Variants in DNAH17 observed in about 807,000 individuals in gnomAD.
DNAH17 encodes the protein axonemal beta dynein heavy chain 17.
Under a neutral mutation model 485.6 loss-of-function variants are expected in DNAH17, and 376 were observed. The observed-to-expected ratio is 0.77, with a 90% CI of 0.71 to 0.84. The LOEUF (loss-of-function observed/expected upper bound fraction) is 0.84. Among genes scored for constraint, DNAH17 ranks in the 40% least tolerant of loss-of-function variants. DNAH17 has a pLI of 0.00. For synonymous variants in DNAH17, 3,031 were observed against 2,405.9 expected (o/e 1.26, Z -7.60); for missense variants, 6,370 against 5,839.3 (o/e 1.09, Z -2.96).
At chr17:78,460,125 C>T (rs2088026003) in intron 59 of DNAH17, 37 bp downstream of exon 59, 2 of 1,581,448 alleles carry the variant, frequency 1.3e-6, no homozygotes, top group Admixed American at 1.8e-5. Flanking sequence ...CCTCTCCAAC[C>T]AGGCCAGGGG....
chr17:78,553,293 T>TGTTTG (rs1474441189), intron 14 of DNAH17, among the ~76,000 whole-genome samples: 5 of 42,078 alleles, frequency 1.2e-4, no homozygotes, highest in African/African-American at 4.2e-4. Flanking sequence ...GTTTTTTTTT[T>TGTTTG]TTTTTTTTTT....
chr17:78,455,333 T>A (rs2087744701), intron 63 of DNAH17, among the ~76,000 whole-genome samples: 3 of 139,366 alleles, frequency 2.2e-5, no homozygotes, highest in Admixed American at 2.1e-4. Context: ...GGACTCCATT[T>A]TTTTTTTTTT....
chr17:78,443,534 A>T (rs2087153056), intron 71 of DNAH17, among the ~76,000 whole-genome samples: 1 of 125,752 alleles, frequency 8.0e-6, no homozygotes, highest in South Asian at 2.9e-4. Context: ...CTGCTTTGTC[A>T]GAAGGGAATT....
chr17:78,483,367 C>T (rs9302877), intron 48 of DNAH17, among the ~76,000 whole-genome samples: 114,211 of 152,114 alleles, frequency 0.75, 43,024 homozygotes, highest in Admixed American at 0.82. Context: ...TGGTGGCTCA[C>T]GCCTGTAGTC....
chr17:78,428,463 C>A (rs187735987), intron 77 of DNAH17, 62 bp downstream of exon 77: 168 of 1,541,526 alleles, frequency 1.1e-4, no homozygotes, highest in Non-Finnish European at 1.4e-4. Flanking sequence ...TCCCTGTGAC[C>A]CCCTCCTCAG....
At chr17:78,430,368 C>G (rs1359462921) in intron 75 of DNAH17, among the ~76,000 whole-genome samples, 1 of 152,212 alleles carries the variant, frequency 6.6e-6, no homozygotes, top group East Asian at 1.9e-4. Flanking sequence ...CTGCCGCTCA[C>G]AGTCAGCTTC....
intron 16 of DNAH17, among the ~76,000 whole-genome samples, chr17:78,549,119 C>T (rs1292714671): frequency 2.6e-5 from 4 of 152,250 alleles, no homozygotes; most frequent in African/African-American, 4.8e-5. Flanking sequence ...GTTCTCTCAT[C>T]TCCCAAAATT....
chr17:78,576,069 TG>T (rs1409326172), intron 1 of DNAH17, among the ~76,000 whole-genome samples: 1 of 152,150 alleles, frequency 6.6e-6, no homozygotes, highest in Non-Finnish European at 1.5e-5. Context: ...TCAGCTGCTC[TG>T]GGGGTCCGTG....
At position 78,478,985 on chromosome 17, in the gene DNAH17, A is replaced by G. The variant is rs56372780; in HGVS notation, c.7992+40T>C. 386,957 of 1,571,496 alleles carry G rather than the reference A, an allele frequency of 0.25. 53,610 individuals are homozygous for G. Among genetic ancestry groups the G allele is most frequent in the African/African-American group, 0.6 (44,659 of 74,166 alleles). On this transcript the variant is annotated intron_variant, in intron 51 of 80. Transcript: ENST00000389840. ...AAAGCACCTGTGGATCAGGCACTGG[A>G]CCGTAAGGCAGGCATGACATAAAGC...
chr17:78,567,439 C>T (rs1050258863), intron 9 of DNAH17, among the ~76,000 whole-genome samples: 1 of 152,124 alleles, frequency 6.6e-6, no homozygotes, highest in African/African-American at 2.4e-5. Flanking sequence ...AGTTTGGGAT[C>T]CTGTCCTGAC....
At chr17:78,491,239 G>C (rs1419744107) in intron 43 of DNAH17, among the ~76,000 whole-genome samples, 1 of 152,222 alleles carries the variant, frequency 6.6e-6, no homozygotes, top group African/African-American at 2.4e-5. Flanking sequence ...AAAATGTAAG[G>C]TGAGGCGCAT....
At chr17:78,492,132 T>G (rs1244082409) in intron 42 of DNAH17, among the ~76,000 whole-genome samples, 1 of 152,080 alleles carries the variant, frequency 6.6e-6, no homozygotes, top group African/African-American at 2.4e-5. Flanking sequence ...AGGCTCCTGG[T>G]CAGGACCACC....
intron 47 of DNAH17, 119 bp downstream of exon 47, chr17:78,485,431 G>T (rs1334058884): frequency 2.0e-6 from 2 of 978,218 alleles, no homozygotes; most frequent in East Asian, 5.3e-5. Flanking sequence ...TGGGGCATGG[G>T]AAGTGAGGAG....
At chr17:78,572,555 G>T in intron 3 of DNAH17, 146 bp downstream of exon 3, 1 of 770,754 alleles carries the variant, frequency 1.3e-6, no homozygotes, top group Non-Finnish European at 2.0e-6. Context: ...GCACCACCTT[G>T]CCCTGCATTT....
intron 56 of DNAH17, among the ~76,000 whole-genome samples, chr17:78,463,601 C>T (rs538719286): frequency 2.0e-5 from 3 of 152,348 alleles, no homozygotes; most frequent in Admixed American, 1.3e-4. Context: ...CCTATATGCA[C>T]GTGCATGTGC....
intron 23 of DNAH17, 37 bp from the exon 24 acceptor site, chr17:78,526,774 G>A: frequency 6.3e-7 from 1 of 1,576,204 alleles, no homozygotes; most frequent in Middle Eastern, 1.8e-4. Flanking sequence ...AGAGTCACGG[G>A]GCGGCCACCT....
intron 17 of DNAH17, among the ~76,000 whole-genome samples, chr17:78,543,360 G>A (rs1285366915): frequency 6.6e-5 from 10 of 151,184 alleles, no homozygotes; most frequent in Non-Finnish European, 1.0e-4. Flanking sequence ...GCGCAATCTT[G>A]GCTCACTGCA....
rs555989909 is a variant in DNAH17, at chr17:78,484,343, A to G, written c.7649+525T>C. 3.1e-3 allele frequency among the ~76,000 whole-genome samples: 468 copies of G among 151,762 alleles called. 3 individuals are homozygous for G. The highest frequency in any genetic ancestry group is 0.011 in the African/African-American group (450 of 41,364). The stretch of plus-strand genomic sequence containing the variant: ...TGTGGCAGGGCATTTACACGTGGCA[A>G]TCTCTCCACCCAGAATGCTCTCCCT... On this transcript the variant is annotated intron_variant, in intron 48 of 80. Coordinates refer to ENST00000389840, the MANE Select transcript of DNAH17 (RefSeq NM_173628.4).
rs573289604 is a variant in DNAH17, at chr17:78,543,264, G to A, written c.2532+593C>T. Among the ~76,000 whole-genome samples, 20 of 150,896 alleles carry A rather than the reference G, an allele frequency of 1.3e-4. No individual in the cohort carries two copies. The South Asian group carries it at 4.0e-3, about 30-fold the overall frequency. On this transcript the variant is annotated intron_variant, in intron 17 of 80. Coordinates refer to ENST00000389840, the MANE Select transcript of DNAH17 (RefSeq NM_173628.4). ...CGAGTAGCTGGGATTACAGGCATGT[G>A]CCAACGTGCCCGGTTAATTTTTGTT... is the stretch of plus-strand genomic sequence containing the variant.
Sources: gnomAD v4.1 joint callset for allele counts (sites outside exome capture counted in the v4.1 genomes callset) on GRCh38, gnomAD v4.1.1 for gene constraint, MANE v1.5 for transcripts, NCBI Gene and HGNC (gene_info 2026-07-23, HGNC 2026-07-21) for gene names.